Variants in DLG2 observed in about 807,000 individuals in gnomAD.
DLG2 encodes discs large MAGUK scaffold protein 2.
DLG2 carries 45 observed loss-of-function variants against 132.5 expected under a neutral mutation model. The observed-to-expected ratio is 0.34, with a 90% CI of 0.27 to 0.44. The LOEUF (loss-of-function observed/expected upper bound fraction) is 0.44. DLG2 is among the 20% of genes least tolerant of loss of function. The pLI, the probability that DLG2 is intolerant of heterozygous loss-of-function variation, is 1.00. For missense variants in DLG2, 1,045 were observed against 1,196.9 expected (o/e 0.87, Z 1.87); for synonymous variants, 424 against 419.6 (o/e 1.01, Z -0.13).
At chr11:83,577,931 A>G (rs1176124974) in intron 19 of DLG2, among the ~76,000 whole-genome samples, 2 of 133,464 alleles carry the variant, frequency 1.5e-5, no homozygotes, top group Non-Finnish European at 3.1e-5. Flanking sequence ...TATTTATAAT[A>G]TATAATATAT....
rs140345519 is a variant in DLG2, at chr11:84,949,958, C to T, written c.357+161703G>A. On this transcript the variant is annotated intron_variant, in intron 6 of 27. Coordinates refer to ENST00000376104, the MANE Select transcript of DLG2 (RefSeq NM_001142699.3). ...TTATGTTTAGAGACTGCAGTAAAGA[C>T]GGGCATAAGAAATTACAAAACTATT... Among the ~76,000 whole-genome samples the T allele has an allele frequency of 2.0e-4, 30 of 152,260 alleles. No individual in the cohort carries two copies. The East Asian group carries it at 3.9e-3, about 20-fold the overall frequency.
intron 18 of DLG2, among the ~76,000 whole-genome samples, chr11:83,761,999 T>C (rs2093931976): frequency 6.6e-6 from 1 of 152,176 alleles, no homozygotes; most frequent in Non-Finnish European, 1.5e-5. Flanking sequence ...AGAACACTGT[T>C]CTAATCCTTG....
At chr11:84,176,028 A>T (rs541659743) in intron 8 of DLG2, among the ~76,000 whole-genome samples, 1 of 152,196 alleles carries the variant, frequency 6.6e-6, no homozygotes, top group Admixed American at 6.6e-5. Flanking sequence ...ATTAATTTTC[A>T]TACTATTTTC....
rs1217630982 is a variant in DLG2 at position 84,009,423 on chromosome 11, A to G, written c.920-28781T>C. Among the ~76,000 whole-genome samples the G allele has an allele frequency of 4.6e-5, 7 of 152,126 alleles. 1 individual carries two copies. Among genetic ancestry groups the G allele is most frequent in the Admixed American group, 3.9e-4 (6 of 15,254 alleles). ...CTAAAGCTCACATACTAAAATGAGC[A>G]TATTGTATGCTTCCTATTCTTTATA... On this transcript the variant is annotated intron_variant, in intron 11 of 27. Coordinates refer to ENST00000376104, the MANE Select transcript of DLG2 (RefSeq NM_001142699.3).
intron 6 of DLG2, among the ~76,000 whole-genome samples, chr11:84,841,560 T>C (rs1433901789): frequency 2.6e-5 from 4 of 152,006 alleles, no homozygotes; most frequent in Non-Finnish European, 5.9e-5. Context: ...AGTTATTCCT[T>C]GTAGCTAGAA....
intron 3 of DLG2, among the ~76,000 whole-genome samples, chr11:85,582,086 A>G (rs1047361250): frequency 1.6e-4 from 25 of 152,186 alleles, no homozygotes; most frequent in Non-Finnish European, 3.4e-4. Context: ...GAAGAGGCTG[A>G]TTTTTGCCCC....
chr11:85,550,384 C>T (rs563445072), intron 3 of DLG2, among the ~76,000 whole-genome samples: 1 of 152,366 alleles, frequency 6.6e-6, no homozygotes, highest in Non-Finnish European at 1.5e-5. Flanking sequence ...ACGGGGCCTG[C>T]ATGGAGTTTG....
intron 3 of DLG2, among the ~76,000 whole-genome samples, chr11:85,565,415 T>C (rs541014085): frequency 1.1e-4 from 17 of 152,202 alleles, no homozygotes; most frequent in Admixed American, 6.5e-4. Context: ...TAGTGATTTT[T>C]AGTATATTCA....
chr11:84,067,458 AG>A (rs1448326207), intron 10 of DLG2, among the ~76,000 whole-genome samples: 1 of 152,178 alleles, frequency 6.6e-6, no homozygotes, highest in Non-Finnish European at 1.5e-5. Context: ...CTATTCCTGA[AG>A]TCATTAAAGG....
intron 11 of DLG2, among the ~76,000 whole-genome samples, chr11:84,023,483 T>G (rs574066413): frequency 9.2e-5 from 14 of 152,136 alleles, no homozygotes; most frequent in Non-Finnish European, 1.9e-4. Context: ...AAAGCCAGGA[T>G]TTGAACCTAG....
At chr11:83,859,325 G>A (rs2061051914) in intron 16 of DLG2, among the ~76,000 whole-genome samples, 1 of 152,146 alleles carries the variant, frequency 6.6e-6, no homozygotes, top group Admixed American at 6.5e-5. Flanking sequence ...CTTGTTGAAT[G>A]GTTTTGACCA....
At chr11:85,466,384 C>A (rs1166850377) in intron 3 of DLG2, among the ~76,000 whole-genome samples, 2 of 151,998 alleles carry the variant, frequency 1.3e-5, no homozygotes, top group Non-Finnish European at 1.5e-5. Flanking sequence ...AAGTCCTTGC[C>A]CATGCCTATG....
At chr11:85,552,124 T>C (rs2076700957) in intron 3 of DLG2, among the ~76,000 whole-genome samples, 2 of 146,796 alleles carry the variant, frequency 1.4e-5, no homozygotes, top group South Asian at 2.1e-4. Flanking sequence ...GGCTTCAGCA[T>C]GCAGCCCAAG....
intron 19 of DLG2, among the ~76,000 whole-genome samples, chr11:83,611,215 T>C (rs1218878149): frequency 6.6e-6 from 1 of 151,928 alleles, no homozygotes; most frequent in Non-Finnish European, 1.5e-5. Flanking sequence ...TGTATTAACA[T>C]GGGAAAACAA....
Position 83,842,124 on chromosome 11 carries a change from G to A in DLG2, c.1566-8354C>T, listed in dbSNP as rs964804426. 3.3e-5 allele frequency among the ~76,000 whole-genome samples: 5 copies of A among 152,166 alleles called. No homozygotes were observed. In the East Asian group the frequency reaches 5.8e-4, roughly 18 times the overall value. On this transcript the variant is annotated intron_variant, in intron 16 of 27. Transcript: ENST00000376104. ...ATTATAAAACCTTTGGATGCTGAGCGAATGGAGAAATGCCAGCCTGACCTG... is the reference window on the plus strand; with the variant it reads ...ATTATAAAACCTTTGGATGCTGAGCAAATGGAGAAATGCCAGCCTGACCTG...
intron 15 of DLG2, among the ~76,000 whole-genome samples, chr11:83,895,038 C>T (rs966183681): frequency 6.6e-5 from 10 of 151,808 alleles, no homozygotes; most frequent in Non-Finnish European, 1.3e-4. Flanking sequence ...TCTTCTGGGC[C>T]TTGAAGTTTC....
chr11:83,934,625 T>A (rs1311509376), intron 14 of DLG2, among the ~76,000 whole-genome samples: 1 of 152,192 alleles, frequency 6.6e-6, no homozygotes, highest in Non-Finnish European at 1.5e-5. Flanking sequence ...CTCTCAGAGA[T>A]AACAATGAGA....
intron 3 of DLG2, among the ~76,000 whole-genome samples, chr11:85,401,100 G>A (rs973915890): frequency 6.6e-6 from 1 of 151,918 alleles, no homozygotes; most frequent in Non-Finnish European, 1.5e-5. Context: ...TAAAATACTG[G>A]CAAACCAAAT....
At chr11:84,313,231 T>A (rs2098309927) in intron 7 of DLG2, among the ~76,000 whole-genome samples, 3 of 152,080 alleles carry the variant, frequency 2.0e-5, no homozygotes, top group Non-Finnish European at 4.4e-5. Flanking sequence ...TTCTCGTGCC[T>A]CAGCCTCCTG....
Sources: allele counts gnomAD v4.1 joint callset (sites outside exome capture counted in the v4.1 genomes callset), GRCh38; gene constraint gnomAD v4.1.1; transcripts MANE v1.5; gene names NCBI Gene and HGNC (gene_info 2026-07-23, HGNC 2026-07-21).